Variants in RASA3 observed in about 807,000 individuals in gnomAD.
The protein encoded by RASA3 is ras GTPase-activating protein 3.
In RASA3, 73 loss-of-function variants were observed where a neutral mutation model predicts 110.0. The ratio of observed to expected loss-of-function variants is 0.66; its 90% CI spans 0.55 to 0.81. The LOEUF (loss-of-function observed/expected upper bound fraction) is 0.81. Among genes scored for constraint, RASA3 ranks in the 30% least tolerant of loss-of-function variants. RASA3 has a pLI of 0.00. For synonymous variants in RASA3, 500 were observed against 451.4 expected, an observed-to-expected ratio of 1.11 and a Z score of -1.37; for missense variants, 976 against 1,113.2, an observed-to-expected ratio of 0.88 and a Z score of 1.75.
chr13:114,083,367 G>A (rs1477019680), intron 1 of RASA3, among the ~76,000 whole-genome samples: 1 of 152,230 alleles, frequency 6.6e-6, no homozygotes, highest in Non-Finnish European at 1.5e-5. Context: ...GAACATTCCT[G>A]GCCGATTTCA....
chr13:114,021,468 C>A lies in RASA3; in HGVS notation c.721G>T (p.Glu241Ter). ...WNASNLKFGD[E>*]FLGELRIPLK... ...GGGATCCTTAGTTCTCCCAGGAATT[C>A]ATCTCCAAACTTCAGGTTACTGGCA... Residue 241 changes from glutamate to a stop codon, truncating the protein, a stop_gained, in exon 9 of 24, where the codon GAA becomes TAA. Transcript: ENST00000334062. LOFTEE classifies it high-confidence loss of function. 1 of 1,614,010 alleles carries A rather than the reference C, an allele frequency of 6.2e-7. No homozygotes were observed.
intron 2 of RASA3, among the ~76,000 whole-genome samples, chr13:114,063,372 TTTATAATAC>T (rs2079394008): frequency 6.7e-6 from 1 of 149,826 alleles, no homozygotes; most frequent in Admixed American, 6.7e-5. Flanking sequence ...AAATACAATA[TTTATAATAC>T]AAATATAAGT....
chr13:114,059,331 G>A (rs1419227030), intron 2 of RASA3, among the ~76,000 whole-genome samples: 1 of 152,192 alleles, frequency 6.6e-6, no homozygotes, highest in African/African-American at 2.4e-5. Flanking sequence ...CAAGGCCAAG[G>A]GGACGTTGGT....
In RASA3 at chr13:114,079,289, A is replaced by T. The variant is rs921276008; in HGVS notation, c.56-5452T>A. Among the ~76,000 whole-genome samples the T allele has an allele frequency of 2.6e-5, 4 of 152,200 alleles. No homozygotes were observed. The South Asian group carries it at 6.2e-4, about 24-fold the overall frequency. ...ACTACAGGTCGGCCTCACTGAAATA[A>T]CGTGGAACAGGTGATGGCGACAGCC... On this transcript the variant is annotated intron_variant, in intron 1 of 23. Transcript: ENST00000334062.
Position 114,055,689 on chromosome 13 carries a change from G to C in RASA3, c.174-3534C>G, listed in dbSNP as rs79260186. Among the ~76,000 whole-genome samples, 1,198 of 152,318 alleles carry C rather than the reference G, an allele frequency of 7.9e-3. 7 individuals carry two copies. Among genetic ancestry groups the C allele is most frequent in the South Asian group, 0.034 (163 of 4,830 alleles). ...GAGGCCTAAGTGATGGCAGGAAGCC[G>C]TGGTGTTTGAATGTGTGAAAGCAGC... On this transcript the variant is annotated intron_variant, in intron 2 of 23. Coordinates refer to ENST00000334062, the MANE Select transcript of RASA3 (RefSeq NM_007368.4).
intron 2 of RASA3, among the ~76,000 whole-genome samples, chr13:114,067,334 T>C (rs1177463972): frequency 6.6e-6 from 1 of 152,224 alleles, no homozygotes; most frequent in African/African-American, 2.4e-5. Flanking sequence ...TCTGGGATAT[T>C]CTGGGCTTCA....
intron 5 of RASA3, among the ~76,000 whole-genome samples, chr13:114,028,839 GGGGGCCAGGACCTCTAAAACGGCA>G (rs2054089076): frequency 2.2e-5 from 1 of 45,926 alleles, no homozygotes; most frequent in Non-Finnish European, 3.7e-5. Context: ...GCATCATCCT[GGGGGCCAGGACCTCTAAAACGGCA>G]TCATCCTGGG....
At chr13:114,040,796 A>G (rs7993016) in intron 4 of RASA3, among the ~76,000 whole-genome samples, 100,494 of 140,900 alleles carry the variant, frequency 0.71, 35,039 homozygotes, top group African/African-American at 0.85. Flanking sequence ...GAGCACAAGC[A>G]GGCGAACACG....
chr13:114,021,545 G>A lies in RASA3; in HGVS notation c.681-37C>T, dbSNP rs2274714. The A allele has an allele frequency of 0.011, 17,851 of 1,572,492 alleles. 1,088 individuals are homozygous for A. In the Admixed American group the frequency reaches 0.14, roughly 13 times the overall value. ...CATCAGGACAGCTCTAGCTGACGGC[G>A]GGCAGCCCGTGTGGAGCAAAGATGA... On this transcript the variant is annotated intron_variant, in intron 8 of 23. Coordinates refer to ENST00000334062, the MANE Select transcript of RASA3 (RefSeq NM_007368.4).
Position 114,132,514 on chromosome 13 carries a change from C to A in RASA3, c.-25G>T, listed in dbSNP as rs1393199394. The A allele has an allele frequency of 2.7e-6, 4 of 1,475,880 alleles. No individual in the cohort carries two copies. The highest frequency in any genetic ancestry group is 3.6e-6 in the Non-Finnish European group (4 of 1,116,840). 91.4% of individuals were successfully genotyped at this position (1,475,880 alleles called of 1,614,324 possible). A position where few individuals can be genotyped will look rare whatever the true frequency, so the allele number is the denominator to read the frequency against. On this transcript the variant is annotated 5_prime_UTR_variant, in exon 1 of 24. It adds an upstream start codon to the 5' untranslated region. Transcript: ENST00000334062. The stretch of plus-strand genomic sequence containing the variant: ...TGCTGCGCGTCCGCGCCCGCCGAGC[C>A]TCGCCCCAAGCGCGCGCCGAGCCCG...
chr13:113,991,013 G>GA (rs35736928), intron 22 of RASA3, among the ~76,000 whole-genome samples: 16 of 137,934 alleles, frequency 1.2e-4, no homozygotes, highest in South Asian at 2.6e-4. Flanking sequence ...TGGGGCTGGA[G>GA]ATCAGGCGTG....
chr13:113,993,485 T>C (rs1594284552), intron 21 of RASA3, among the ~76,000 whole-genome samples: 1 of 151,950 alleles, frequency 6.6e-6, no homozygotes, highest in African/African-American at 2.4e-5. Flanking sequence ...CTCATGTCTT[T>C]TTATAAATCT....
chr13:114,051,345 C>T (rs375562246), intron 3 of RASA3, among the ~76,000 whole-genome samples: 13 of 152,338 alleles, frequency 8.5e-5, no homozygotes, highest in Admixed American at 4.6e-4. Context: ...CCCAGCGTCA[C>T]GGCGGGAATT....
chr13:114,122,333 C>T (rs1046795658), intron 1 of RASA3, among the ~76,000 whole-genome samples: 1 of 152,246 alleles, frequency 6.6e-6, no homozygotes, highest in African/African-American at 2.4e-5. Flanking sequence ...CCACCCGGAC[C>T]TCGGAGGAGA....
At chr13:114,079,243 G>A (rs924727124) in intron 1 of RASA3, among the ~76,000 whole-genome samples, 2 of 152,176 alleles carry the variant, frequency 1.3e-5, no homozygotes, top group African/African-American at 4.8e-5. Context: ...TCTTTCCCAC[G>A]TCATCACGGC....
At chr13:114,060,205 G>A (rs1007920156) in intron 2 of RASA3, among the ~76,000 whole-genome samples, 3 of 152,358 alleles carry the variant, frequency 2.0e-5, no homozygotes, top group Admixed American at 1.3e-4. Context: ...GGCAGGGCAC[G>A]GCAGGACCGG....
chr13:113,978,033 G>A lies in RASA3; in HGVS notation c.*1314C>T, dbSNP rs1277560627. 1 of 152,214 alleles carries A rather than the reference G, an allele frequency of 6.6e-6. No homozygotes were observed. The highest frequency in any genetic ancestry group is 1.9e-4 in the East Asian group (1 of 5,202). 9.4% of individuals were successfully genotyped at this position (152,214 alleles called of 1,614,324 possible). Reference sequence around the variant, plus strand: ...TATTTTCAAACAAGAACCGGGAGAAGTCGGTACAAGGATACGTCGTGCTGT... The same window carrying A: ...TATTTTCAAACAAGAACCGGGAGAAATCGGTACAAGGATACGTCGTGCTGT... On this transcript the variant is annotated 3_prime_UTR_variant, in exon 24 of 24. Coordinates refer to ENST00000334062, the MANE Select transcript of RASA3 (RefSeq NM_007368.4).
rs1566515149 is a variant in RASA3, at chr13:114,040,649, A to ACGCG, written c.372+350_372+351insCGCG. On this transcript the variant is annotated intron_variant, in intron 4 of 23. Transcript: ENST00000334062. ...ACACGCACAACCCAAAATCCATGGC[A>ACGCG]GAGCCTGCGCTCACTCCGAGCACAA... 6.2e-4 allele frequency among the ~76,000 whole-genome samples: 47 copies of ACGCG among 75,616 alleles called. 6 individuals are homozygous for ACGCG. Among genetic ancestry groups the ACGCG allele is most frequent in the East Asian group, 2.2e-3 (5 of 2,252 alleles). 49.6% of individuals were successfully genotyped at this position (75,616 alleles called of 152,430 possible).
At chr13:114,049,152 G>A (rs2079102626) in intron 3 of RASA3, among the ~76,000 whole-genome samples, 2 of 152,086 alleles carry the variant, frequency 1.3e-5, no homozygotes, top group Admixed American at 1.3e-4. Context: ...GCTGGCAGGT[G>A]GGGTTTCCTC....
Sources: allele counts gnomAD v4.1 joint callset (sites outside exome capture counted in the v4.1 genomes callset), GRCh38; gene constraint gnomAD v4.1.1; transcripts MANE v1.5; gene names NCBI Gene and HGNC (gene_info 2026-07-23, HGNC 2026-07-21).